C1orf198: variants seen among roughly 807,000 people sequenced by gnomAD.
C1orf198 encodes chromosome 1 open reading frame 198.
Under a neutral mutation model 31.4 loss-of-function variants are expected in C1orf198, and 17 were observed. That is an observed-to-expected ratio of 0.54 (90% CI 0.37 to 0.81). C1orf198 has a LOEUF of 0.81. Among genes scored for constraint, C1orf198 ranks in the 40% least tolerant of loss-of-function variants. The pLI is 0.00. For synonymous variants in C1orf198, 175 were observed against 193.8 expected, an observed-to-expected ratio of 0.90 and a Z score of 0.81; for missense variants, 401 against 450.3, an observed-to-expected ratio of 0.89 and a Z score of 0.99.
In C1orf198 at chr1:230,868,271, G is replaced by A. The variant is rs762488757; in HGVS notation, c.242C>T (p.Ala81Val). Residue 81 changes from alanine (A) to valine (V), a missense_variant, in exon 1 of 4, where the codon GCG becomes GTG. By Grantham distance (64) the Ala-to-Val change is moderately conservative. Coordinates refer to ENST00000366663, the MANE Select transcript of C1orf198 (RefSeq NM_032800.3). Reference protein sequence around the residue: ...DRCLVGPRAPAPRDPGDSEEL... With the variant: ...DRCLVGPRAPVPRDPGDSEEL... ...CTCCGAGTCCCCGGGGTCTCGGGGC[G>A]CCGGGGCGCGCGGCCCCACCAGGCA... 28 of 1,582,672 alleles carry A rather than the reference G, an allele frequency of 1.8e-5. No homozygotes were observed. The Middle Eastern group carries it at 1.0e-3, about 57-fold the overall frequency.
In C1orf198 at chr1:230,857,022, A is replaced by T. The variant is rs951546722; in HGVS notation, c.334-1304T>A. ...TGGGGGCAAATGCCAGGGCCCACGC[A>T]GGGGGAGTGCCTCACCAACACATAA... On this transcript the variant is annotated intron_variant, in intron 1 of 3. Transcript: ENST00000366663. The surrounding 1 kb of genome is among the most constrained non-coding windows in gnomAD (Gnocchi z 4.2). Among the ~76,000 whole-genome samples the T allele has an allele frequency of 1.3e-5, 2 of 152,196 alleles. No homozygotes were observed. Among genetic ancestry groups the T allele is most frequent in the Non-Finnish European group, 2.9e-5 (2 of 68,040 alleles).
Position 230,839,678 on chromosome 1 carries a change from G to T in C1orf198, c.*174C>A. 1 of 580,256 alleles carries T rather than the reference G, an allele frequency of 1.7e-6. No homozygotes were observed. The highest frequency in any genetic ancestry group is 3.0e-6 in the Non-Finnish European group (1 of 337,776). 35.9% of individuals were successfully genotyped at this position (580,256 alleles called of 1,614,324 possible). ...ATCACTGAAAATAGCATATATATCT[G>T]GTTCTACCAAAAAAGAAAAAAATCT... On this transcript the variant is annotated 3_prime_UTR_variant, in exon 4 of 4. Coordinates refer to ENST00000366663, the MANE Select transcript of C1orf198 (RefSeq NM_032800.3).
chr1:230,847,954 G>A (rs73108562), intron 2 of C1orf198, among the ~76,000 whole-genome samples: 2,104 of 152,306 alleles, frequency 0.014, 45 homozygotes, highest in African/African-American at 0.047. Flanking sequence ...TCCTGTGTAC[G>A]TGGAGGGCAG....
At chr1:230,868,121 G>T in intron 1 of C1orf198, 59 bp downstream of exon 1, 1 of 1,328,970 alleles carries the variant, frequency 7.5e-7, no homozygotes, top group Admixed American at 4.1e-5. Context: ...TGCCCACCGG[G>T]CCGGGGCGCC....
At position 230,838,571 on chromosome 1, in the gene C1orf198, G is replaced by A. The variant is rs1669362484; in HGVS notation, c.*1281C>T. On this transcript the variant is annotated 3_prime_UTR_variant, in exon 4 of 4. Coordinates refer to ENST00000366663, the MANE Select transcript of C1orf198 (RefSeq NM_032800.3). This position sits in a 1 kb window ranked among gnomAD's most constrained non-coding sequence, Gnocchi z 4.2. Reference sequence around the variant, plus strand: ...TGGTATTGAAACCGAGCGCTCACTGGCAGGTGTCGCAAAGATTAAGGCTTC... The same window carrying A: ...TGGTATTGAAACCGAGCGCTCACTGACAGGTGTCGCAAAGATTAAGGCTTC... 6.6e-6 allele frequency: 1 copy of A among 152,536 alleles called. No individual in the cohort carries two copies. Among genetic ancestry groups the A allele is most frequent in the Admixed American group, 6.5e-5 (1 of 15,276 alleles). 9.4% of individuals were successfully genotyped at this position (152,536 alleles called of 1,614,324 possible). A position where few individuals can be genotyped will look rare whatever the true frequency, so the allele number is the denominator to read the frequency against.
At position 230,860,292 on chromosome 1, in the gene C1orf198, C is replaced by T. The variant is rs187873096; in HGVS notation, c.334-4574G>A. On this transcript the variant is annotated intron_variant, in intron 1 of 3. Transcript: ENST00000366663. ...TAAATGATGCAGCCATTATATAAAA[C>T]GGTTCGGCAGTTCCTCAAAAAATTA... Among the ~76,000 whole-genome samples, 17 of 152,268 alleles carry T rather than the reference C, an allele frequency of 1.1e-4. No homozygotes were observed. The East Asian group carries it at 2.3e-3, about 21-fold the overall frequency.
rs780523580 is a variant in C1orf198, at chr1:230,868,350, C to G, written c.163G>C (p.Gly55Arg). 3.1e-6 allele frequency: 5 copies of G among 1,596,928 alleles called. No individual in the cohort carries two copies. Among genetic ancestry groups the G allele is most frequent in the Admixed American group, 1.7e-5 (1 of 58,818 alleles). Reference sequence around the variant, plus strand: ...GGCGGCAGCCGCGCCCACTCGGGCCCGTACTTCTCGCGGATCTTCTCCTTG... The same window carrying G: ...GGCGGCAGCCGCGCCCACTCGGGCCGGTACTTCTCGCGGATCTTCTCCTTG... ...QDKEKIREKY[G>R]PEWARLPPAQ... is the part of the protein sequence containing the mutation. The change falls in exon 1 of 4, where the codon GGG becomes CGG. Residue 55 changes from glycine (G) to arginine (R), a missense_variant. Physicochemically the swap from Gly to Arg is moderately radical, Grantham distance 125 (BLOSUM62 -2). Transcript: ENST00000366663.
intron 2 of C1orf198, among the ~76,000 whole-genome samples, chr1:230,847,991 G>A (rs906619261): frequency 3.9e-5 from 6 of 152,210 alleles, no homozygotes; most frequent in African/African-American, 1.4e-4. Context: ...GGATGCTGGG[G>A]GGAAACGCCA....
intron 2 of C1orf198, among the ~76,000 whole-genome samples, chr1:230,847,102 CAAAAAAAAAAAAAA>C (rs71179741): frequency 1.4e-5 from 1 of 69,702 alleles, no homozygotes; most frequent in African/African-American, 9.6e-5. Flanking sequence ...GACTCCGTCT[CAAAAAAAAAAAAAA>C]AAAAAAAAAA....
chr1:230,843,766 C>G lies in C1orf198; in HGVS notation c.515G>C (p.Arg172Thr), dbSNP rs182151613. The G allele has an allele frequency of 4.3e-6, 7 of 1,613,414 alleles. No homozygotes were observed. The East Asian group carries it at 1.6e-4, about 36-fold the overall frequency. ...GCCCAGGGCGTCCAGGCTGGAGGACCTGCTGCCTTGGGAGGACTTGAGGGC... is the reference window on the plus strand; with the variant it reads ...GCCCAGGGCGTCCAGGCTGGAGGACGTGCTGCCTTGGGAGGACTTGAGGGC... The part of the protein sequence containing the change: ...SQALKSSQGS[R>T]SSSLDALGPT... The change falls in exon 3 of 4, where the codon AGG (arginine) becomes ACG (threonine). Residue 172 changes from arginine to threonine, a missense_variant. By Grantham distance (71) the Arg-to-Thr change is moderately conservative. Coordinates refer to ENST00000366663, the MANE Select transcript of C1orf198 (RefSeq NM_032800.3). The surrounding 1 kb of genome is among the most constrained non-coding windows in gnomAD (Gnocchi z 4.9).
At chr1:230,859,598 G>C (rs1669963282) in intron 1 of C1orf198, among the ~76,000 whole-genome samples, 1 of 152,108 alleles carries the variant, frequency 6.6e-6, no homozygotes. Flanking sequence ...AAGCCAAAAA[G>C]CAGGGGGGAA....
At chr1:230,850,358 G>C (rs1348054315) in intron 2 of C1orf198, among the ~76,000 whole-genome samples, 1 of 152,252 alleles carries the variant, frequency 6.6e-6, no homozygotes, top group East Asian at 1.9e-4. Context: ...AATGCAGGGA[G>C]GGTGCTCAGC....
At chr1:230,851,794 C>A (rs1388765623) in intron 2 of C1orf198, among the ~76,000 whole-genome samples, 6 of 152,230 alleles carry the variant, frequency 3.9e-5, no homozygotes, top group Non-Finnish European at 8.8e-5. Flanking sequence ...ACAGCTGCTA[C>A]TGTGAGGCTG....
At chr1:230,859,869 T>C (rs886872176) in intron 1 of C1orf198, among the ~76,000 whole-genome samples, 1 of 152,192 alleles carries the variant, frequency 6.6e-6, no homozygotes, top group Non-Finnish European at 1.5e-5. Flanking sequence ...CTCATAGTGC[T>C]GGAATACATG....
chr1:230,868,377 C>T lies in C1orf198; in HGVS notation c.136G>A (p.Asp46Asn), dbSNP rs201046635. The part of the protein sequence containing the change: ...LSPMARKIMQ[D>N]KEKIREKYGP... ...TACTTCTCGCGGATCTTCTCCTTGT[C>T]CTGCATGATCTTCCTGGCCATGGGG... Residue 46 changes from aspartate to asparagine, a missense_variant, in exon 1 of 4, where the codon GAC (aspartate) becomes AAC (asparagine). Coordinates refer to ENST00000366663, the MANE Select transcript of C1orf198 (RefSeq NM_032800.3). 2 of 1,599,636 alleles carry T rather than the reference C, an allele frequency of 1.3e-6. No homozygotes were observed. Among genetic ancestry groups the T allele is most frequent in the African/African-American group, 2.7e-5 (2 of 72,752 alleles).
rs748087081 is a variant in C1orf198, at chr1:230,868,261, G to A, written c.252C>T (p.Asp84=). The A allele has an allele frequency of 1.6e-4, 251 of 1,576,956 alleles. 1 individual carries two copies. Among genetic ancestry groups the A allele is most frequent in the African/African-American group, 1.5e-3 (109 of 71,532 alleles). The change falls in exon 1 of 4, where the codon GAC becomes GAT. Residue 84 remains aspartate, a synonymous_variant. Coordinates refer to ENST00000366663, the MANE Select transcript of C1orf198 (RefSeq NM_032800.3). The part of the protein sequence containing the change: ...LVGPRAPAPR[D]PGDSEELTRF... ...GCGTGAGCTCCTCCGAGTCCCCGGG[G>A]TCTCGGGGCGCCGGGGCGCGCGGCC...
intron 2 of C1orf198, 135 bp from the exon 3 acceptor site, chr1:230,844,031 T>C: frequency 7.7e-6 from 7 of 906,154 alleles, no homozygotes; most frequent in Non-Finnish European, 1.1e-5. Flanking sequence ...GCCCATGTGC[T>C]GGAACTGTCT....
In C1orf198 at chr1:230,839,816, AT is replaced by A. The variant is rs1669396310; in HGVS notation, c.*35del. The A allele has an allele frequency of 6.3e-7, 1 of 1,592,498 alleles. No homozygotes were observed. Among genetic ancestry groups the A allele is most frequent in the Admixed American group, 1.7e-5 (1 of 58,518 alleles). On this transcript the variant is annotated 3_prime_UTR_variant, in exon 4 of 4. Transcript: ENST00000366663. ...CCTCCACCACACCACTTTGGAAAACATTTTAGGGTTCTTCATTGTATTTTTC... is the reference window on the plus strand; with the variant it reads ...CCTCCACCACACCACTTTGGAAAACATTTAGGGTTCTTCATTGTATTTTTC...
chr1:230,855,939 G>A, intron 1 of C1orf198: 1 of 1,327,590 alleles, frequency 7.5e-7, no homozygotes. Context: ...CCCCTCCCCA[G>A]CCAAACAGAC....
Sources: allele counts gnomAD v4.1 joint callset (sites outside exome capture counted in the v4.1 genomes callset), GRCh38; gene constraint gnomAD v4.1.1; non-coding constraint Gnocchi (gnomAD v3.1); transcripts MANE v1.5; gene names NCBI Gene and HGNC (gene_info 2026-07-23, HGNC 2026-07-21).